Variants in RAD51B observed in about 807,000 individuals in gnomAD.
RAD51B encodes the protein RAD51 paralog B, also known as DNA repair protein RAD51 homolog 2.
A neutral mutation model predicts 42.2 loss-of-function variants in RAD51B; 38 were observed. The observed-to-expected ratio is 0.90, with a 90% CI of 0.70 to 1.18. The LOEUF (loss-of-function observed/expected upper bound fraction) is 1.18. RAD51B is among the 50% of genes most tolerant of loss of function. The pLI is 0.00. For synonymous variants in RAD51B, 154 were observed against 145.2 expected (o/e 1.06, Z -0.43); for missense variants, 373 against 400.7 (o/e 0.93, Z 0.59).
chr14:68,439,990 CA>C (rs1341793817), intron 9 of RAD51B, among the ~76,000 whole-genome samples: 1 of 152,210 alleles, frequency 6.6e-6, no homozygotes, highest in African/African-American at 2.4e-5. Context: ...AGCAGAGGAA[CA>C]GCTCCAAAGG....
intron 5 of RAD51B, 113 bp downstream of exon 5, chr14:67,865,252 T>G (rs1354678067): frequency 9.1e-7 from 1 of 1,097,170 alleles, no homozygotes; most frequent in Non-Finnish European, 1.2e-6. Context: ...TTTTTTTTTT[T>G]TTTGAGATGG....
chr14:68,057,249 A>G lies in RAD51B; in HGVS notation c.756+170045A>G, dbSNP rs949884256. Among the ~76,000 whole-genome samples the G allele has an allele frequency of 2.6e-4, 40 of 152,166 alleles. 1 individual carries two copies. The highest frequency in any genetic ancestry group is 2.9e-5 in the Non-Finnish European group (2 of 68,036). The stretch of plus-strand genomic sequence containing the variant: ...TAAAATAAATGAATAAATAAAAAAT[A>G]ATAAAAATAAAGCCTTTAAAGAGAA... On this transcript the variant is annotated intron_variant, in intron 7 of 10. Transcript: ENST00000471583.
intron 11 of RAD51B, among the ~76,000 whole-genome samples, chr14:68,664,538 T>C (rs943243477): frequency 6.6e-6 from 1 of 152,224 alleles, no homozygotes; most frequent in African/African-American, 2.4e-5. Context: ...CCCAAAGATC[T>C]GGGCCCTGTG....
At position 68,332,379 on chromosome 14, in the gene RAD51B, G is replaced by A. The variant is rs139167424; in HGVS notation, c.853+40399G>A. ...CATTTATTTTTTTAACAGAATAAAG[G>A]TAATTAATCAAAATACAATTCATTT... On this transcript the variant is annotated intron_variant, in intron 8 of 10. Coordinates refer to ENST00000471583, the MANE Select transcript of RAD51B (RefSeq NM_133510.4). Among the ~76,000 whole-genome samples the A allele has an allele frequency of 1.4e-4, 22 of 152,150 alleles. No homozygotes were observed. The East Asian group carries it at 4.0e-3, about 28-fold the overall frequency.
At chr14:68,276,657 T>C (rs11849295) in intron 7 of RAD51B, among the ~76,000 whole-genome samples, 7,098 of 152,220 alleles carry the variant, frequency 0.047, 563 homozygotes, top group African/African-American at 0.16. Flanking sequence ...GGAATTAGTA[T>C]GGAACTGGAG....
intron 7 of RAD51B, among the ~76,000 whole-genome samples, chr14:67,983,506 CAA>C (rs1180657493): frequency 6.6e-6 from 1 of 152,058 alleles, no homozygotes; most frequent in African/African-American, 2.4e-5. Context: ...TAACATCTGA[CAA>C]TGTACAAAAG....
intron 4 of RAD51B, among the ~76,000 whole-genome samples, chr14:67,858,823 T>C (rs990902034): frequency 6.6e-6 from 1 of 152,246 alleles, no homozygotes; most frequent in Non-Finnish European, 1.5e-5. Flanking sequence ...TTAGTAAGCA[T>C]AAGCATTTCT....
chr14:68,395,930 G>A (rs779621401), intron 8 of RAD51B, among the ~76,000 whole-genome samples: 2 of 152,188 alleles, frequency 1.3e-5, no homozygotes, highest in African/African-American at 2.4e-5. Flanking sequence ...CAAGCAAGAC[G>A]AGTCCGTGGT....
chr14:68,194,642 G>A (rs1332012623), intron 7 of RAD51B, among the ~76,000 whole-genome samples: 2 of 152,142 alleles, frequency 1.3e-5, no homozygotes, highest in Admixed American at 1.3e-4. Context: ...AAATACACAG[G>A]AATAATCTGA....
chr14:68,039,561 C>T (rs982210198), intron 7 of RAD51B, among the ~76,000 whole-genome samples: 2 of 152,096 alleles, frequency 1.3e-5, no homozygotes, highest in Non-Finnish European at 2.9e-5. Context: ...AAGTGGTTCA[C>T]GTCACAGACA....
intron 10 of RAD51B, among the ~76,000 whole-genome samples, chr14:68,511,964 G>C (rs1337180326): frequency 6.6e-6 from 1 of 152,090 alleles, no homozygotes; most frequent in Non-Finnish European, 1.5e-5. Context: ...TTGTTTCTTT[G>C]AAGTTTCTAG....
At chr14:68,317,714 GA>G (rs1290435376) in intron 8 of RAD51B, among the ~76,000 whole-genome samples, 2 of 152,178 alleles carry the variant, frequency 1.3e-5, no homozygotes, top group African/African-American at 2.4e-5. Flanking sequence ...ATTTGGGAGA[GA>G]AAGAGAGACC....
chr14:67,846,527 C>T (rs1463709439), intron 4 of RAD51B, among the ~76,000 whole-genome samples: 1 of 152,128 alleles, frequency 6.6e-6, no homozygotes, highest in Non-Finnish European at 1.5e-5. Flanking sequence ...CAAAGCAGCA[C>T]AGAGGAGGCT....
chr14:68,405,727 G>A (rs769723794), intron 8 of RAD51B, among the ~76,000 whole-genome samples: 7 of 150,770 alleles, frequency 4.6e-5, no homozygotes, highest in Non-Finnish European at 8.8e-5. Context: ...TTTTAGCGAC[G>A]CGGAGTCCTT....
chr14:67,921,069 A>G (rs1448485988), intron 7 of RAD51B, among the ~76,000 whole-genome samples: 1 of 152,214 alleles, frequency 6.6e-6, no homozygotes, highest in Non-Finnish European at 1.5e-5. Flanking sequence ...TTCTCCTGGA[A>G]CAGTATTTCT....
intron 7 of RAD51B, among the ~76,000 whole-genome samples, chr14:68,112,763 A>G (rs753650929): frequency 3.3e-5 from 5 of 152,132 alleles, no homozygotes; most frequent in Non-Finnish European, 7.4e-5. Context: ...ACAAAGCAAT[A>G]CCTGCTAGAT....
At chr14:68,061,633 G>A (rs979475167) in intron 7 of RAD51B, among the ~76,000 whole-genome samples, 15 of 151,500 alleles carry the variant, frequency 9.9e-5, no homozygotes, top group African/African-American at 3.6e-4. Context: ...TTTATTCCTA[G>A]GTATTTTATT....
intron 7 of RAD51B, among the ~76,000 whole-genome samples, chr14:67,897,125 C>A (rs2043448455): frequency 6.6e-6 from 1 of 152,040 alleles, no homozygotes; most frequent in Admixed American, 6.6e-5. Context: ...AACATAAGAC[C>A]TAAAAACTAA....
intron 9 of RAD51B, among the ~76,000 whole-genome samples, chr14:68,437,973 G>C (rs35526918): frequency 0.02 from 3,068 of 152,212 alleles, 56 homozygotes; most frequent in Non-Finnish European, 0.03. Flanking sequence ...AACTACAAAT[G>C]GTCCTTCTTT....
Sources: gnomAD v4.1 joint callset for allele counts (sites outside exome capture counted in the v4.1 genomes callset) on GRCh38, gnomAD v4.1.1 for gene constraint, MANE v1.5 for transcripts, NCBI Gene and HGNC (gene_info 2026-07-23, HGNC 2026-07-21) for gene names.